The following GRHL2 variants were observed in gnomAD, a reference collection of about 807,000 sequenced individuals.
The protein encoded by GRHL2 is grainyhead-like protein 2 homolog.
In GRHL2, 21 loss-of-function variants were observed where a neutral mutation model predicts 83.8. The ratio of observed to expected loss-of-function variants is 0.25; its 90% confidence interval spans 0.18 to 0.36. The LOEUF is 0.36. Ranked by LOEUF, GRHL2 falls within the 10% of genes least tolerant of loss-of-function variation. The pLI is 1.00. For synonymous variants in GRHL2, 280 were observed against 278.9 expected (o/e 1.00, Z -0.04); for missense variants, 623 against 781.8 (o/e 0.80, Z 2.42).
chr8:101,500,963 G>T (rs1180804650), intron 1 of GRHL2, among the ~76,000 whole-genome samples: 1 of 152,180 alleles, frequency 6.6e-6, no homozygotes, highest in East Asian at 1.9e-4. Flanking sequence ...AGAGAGAAGT[G>T]TTTCAGCTTC....
chr8:101,648,994 G>A (rs1813567541), intron 13 of GRHL2, among the ~76,000 whole-genome samples: 1 of 152,110 alleles, frequency 6.6e-6, no homozygotes, highest in Non-Finnish European at 1.5e-5. Flanking sequence ...TTAAGGACAG[G>A]GGCTGTGATT....
At chr8:101,528,684 G>A in intron 1 of GRHL2, 1 of 219,794 alleles carries the variant, frequency 4.5e-6, no homozygotes. Context: ...CATAGCGCGA[G>A]GCTCTTTTCC....
rs1268506646 is a variant in GRHL2, at chr8:101,601,214, AC to A, written c.1098+2065del. On this transcript the variant is annotated intron_variant, in intron 8 of 15. Transcript: ENST00000646743. Reference sequence around the variant, plus strand: ...CCCCACCACCACCACCACCACCACCACCAACAACAACAACAAAACAAATGTT... The same window carrying A: ...CCCCACCACCACCACCACCACCACCACAACAACAACAACAAAACAAATGTT... Among the ~76,000 whole-genome samples, 589 of 151,722 alleles carry A rather than the reference AC, an allele frequency of 3.9e-3. 9 individuals are homozygous for A. The highest frequency in any genetic ancestry group is 0.02 in the East Asian group (103 of 5,172).
chr8:101,666,570 C>T lies in GRHL2; in HGVS notation c.1764-19C>T, dbSNP rs10093032. ...TCACGGCGTCTTTGTTTTTCACACC[C>T]CTCCCCCCTCCATGGCAGCATCTTG... On this transcript the variant is annotated intron_variant, in intron 15 of 15. Coordinates refer to ENST00000646743, the MANE Select transcript of GRHL2 (RefSeq NM_024915.4). 540,173 of 1,471,252 alleles carry T rather than the reference C, an allele frequency of 0.37. 102,143 individuals carry two copies. Among genetic ancestry groups the T allele is most frequent in the South Asian group, 0.53 (47,129 of 88,182 alleles). 91.1% of individuals were successfully genotyped at this position (1,471,252 alleles called of 1,614,324 possible).
At chr8:101,506,182 G>A (rs568914328) in intron 1 of GRHL2, among the ~76,000 whole-genome samples, 6 of 152,280 alleles carry the variant, frequency 3.9e-5, no homozygotes, top group Non-Finnish European at 8.8e-5. Flanking sequence ...TATTGCCCAG[G>A]CTGACTTTTA....
chr8:101,570,623 A>C (rs1183780167), intron 5 of GRHL2, among the ~76,000 whole-genome samples: 1 of 150,008 alleles, frequency 6.7e-6, no homozygotes, highest in Non-Finnish European at 1.5e-5. Flanking sequence ...TTGGCTAGAC[A>C]TTCTTTTGTA....
intron 1 of GRHL2, among the ~76,000 whole-genome samples, chr8:101,495,809 C>CT (rs1238465142): frequency 2.0e-5 from 3 of 152,104 alleles, no homozygotes; most frequent in African/African-American, 7.2e-5. Flanking sequence ...AAACACAATG[C>CT]TTAATAGTCA....
At chr8:101,651,797 T>C (rs938025780) in intron 14 of GRHL2, among the ~76,000 whole-genome samples, 1 of 152,226 alleles carries the variant, frequency 6.6e-6, no homozygotes, top group Admixed American at 6.5e-5. Context: ...AGGCTGGCTC[T>C]GGTCAGATGT....
At chr8:101,619,458 GA>G in intron 8 of GRHL2, 80 bp from the exon 9 acceptor site, 1 of 1,277,370 alleles carries the variant, frequency 7.8e-7, no homozygotes, top group Non-Finnish European at 1.1e-6. Flanking sequence ...TTAGTATTTT[GA>G]CTTAAAGTCT....
intron 9 of GRHL2, among the ~76,000 whole-genome samples, chr8:101,624,995 A>G (rs1430730462): frequency 6.6e-6 from 1 of 152,152 alleles, no homozygotes; most frequent in Non-Finnish European, 1.5e-5. Flanking sequence ...AACAAAACCG[A>G]ACCAAAAAAA....
intron 8 of GRHL2, among the ~76,000 whole-genome samples, chr8:101,611,727 G>T (rs1243529726): frequency 6.6e-6 from 1 of 150,834 alleles, no homozygotes; most frequent in Non-Finnish European, 1.5e-5. Flanking sequence ...TGGCCTCAGA[G>T]ATGCACACTT....
intron 1 of GRHL2, among the ~76,000 whole-genome samples, chr8:101,534,566 G>A (rs532820311): frequency 2.6e-4 from 40 of 152,072 alleles, no homozygotes; most frequent in Non-Finnish European, 8.8e-5. Flanking sequence ...GAGGACTCAC[G>A]AGGGTGTGAA....
intron 1 of GRHL2, among the ~76,000 whole-genome samples, chr8:101,509,130 C>T (rs1201480814): frequency 3.2e-5 from 2 of 62,356 alleles, no homozygotes; most frequent in Admixed American, 1.4e-4. Flanking sequence ...TCCTTCCTTC[C>T]TTCCTTCCTT....
At position 101,586,065 on chromosome 8, in the gene GRHL2, C is replaced by CTTTTTTTTTTTTTTTTTTTTTTTTTTT. The variant is rs67985027; in HGVS notation, c.1003+8571_1003+8572insTTTTTTTTTTTTTTTTTTTTTTTTTTT. 5.4e-4 allele frequency among the ~76,000 whole-genome samples: 51 copies of CTTTTTTTTTTTTTTTTTTTTTTTTTTT among 94,346 alleles called. 6 individuals are homozygous for CTTTTTTTTTTTTTTTTTTTTTTTTTTT. The highest frequency in any genetic ancestry group is 7.7e-4 in the African/African-American group (18 of 23,298). The allele number at this position is 94,346 out of a possible 152,430, so 61.9% of individuals were successfully genotyped here. ...TCTTCTTTCCTTCCACCTCATGTTT[C>CTTTTTTTTTTTTTTTTTTTTTTTTTTT]TTTTTTTTTTTTTTTTTTTTTTTTT... On this transcript the variant is annotated intron_variant, in intron 7 of 15. Coordinates refer to ENST00000646743, the MANE Select transcript of GRHL2 (RefSeq NM_024915.4).
chr8:101,641,352 A>G lies in GRHL2; in HGVS notation c.1518-2779A>G, dbSNP rs1563621132. Among the ~76,000 whole-genome samples, 9 of 152,228 alleles carry G rather than the reference A, an allele frequency of 5.9e-5. No homozygotes were observed. In the South Asian group the frequency reaches 1.9e-3, roughly 32 times the overall value. ...GGACTTCCATTTAGGTAGGGCATTC[A>G]TGGTAACCGCATACATAGGCCACAA... On this transcript the variant is annotated intron_variant, in intron 12 of 15. Coordinates refer to ENST00000646743, the MANE Select transcript of GRHL2 (RefSeq NM_024915.4).
At chr8:101,540,112 C>T (rs1468566556) in intron 1 of GRHL2, among the ~76,000 whole-genome samples, 1 of 152,168 alleles carries the variant, frequency 6.6e-6, no homozygotes, top group East Asian at 1.9e-4. Context: ...CTCAACTTTA[C>T]CAAAAATTGA....
intron 7 of GRHL2, among the ~76,000 whole-genome samples, chr8:101,588,140 T>C (rs1339943059): frequency 1.3e-5 from 2 of 152,212 alleles, no homozygotes. Flanking sequence ...AGTCTCGTCA[T>C]TGTTTAACAA....
chr8:101,577,791 C>G (rs1811963482), intron 7 of GRHL2, among the ~76,000 whole-genome samples: 1 of 152,224 alleles, frequency 6.6e-6, no homozygotes, highest in Non-Finnish European at 1.5e-5. Flanking sequence ...ATTTCAATTC[C>G]TAAAACGTGT....
chr8:101,526,233 A>G (rs577113277), intron 1 of GRHL2, among the ~76,000 whole-genome samples: 5 of 152,340 alleles, frequency 3.3e-5, no homozygotes, highest in African/African-American at 9.6e-5. Context: ...GGTAGTTTTT[A>G]AAGGTTAATT....
Sources: gnomAD v4.1 joint callset for allele counts (sites outside exome capture counted in the v4.1 genomes callset) on GRCh38, gnomAD v4.1.1 for gene constraint, MANE v1.5 for transcripts, NCBI Gene and HGNC (gene_info 2026-07-23, HGNC 2026-07-21) for gene names.